The following CDH22 variants were observed in gnomAD, a reference collection of about 807,000 sequenced individuals.
The protein encoded by CDH22 is cadherin 22.
Under a neutral mutation model 58.4 loss-of-function variants are expected in CDH22, and 30 were observed. That is an observed-to-expected ratio of 0.51 (90% CI 0.38 to 0.70). The LOEUF (loss-of-function observed/expected upper bound fraction) is 0.70. CDH22 is among the 30% of genes least tolerant of loss of function. The probability of loss-of-function intolerance (pLI) is 0.00; values close to 1 mark genes in which losing one functional copy is unlikely to be tolerated. For synonymous variants in CDH22, 513 were observed against 558.2 expected (o/e 0.92, Z 1.14); for missense variants, 1,014 against 1,233.9 (o/e 0.82, Z 2.67).
chr20:46,178,245 C>T (rs1170282062), intron 10 of CDH22, 48 bp from the exon 11 acceptor site: 2 of 1,582,506 alleles, frequency 1.3e-6, no homozygotes, highest in South Asian at 1.2e-5. Context: ...CGGGGGTCAG[C>T]ATCCTTGTCC....
intron 1 of CDH22, among the ~76,000 whole-genome samples, chr20:46,280,861 AG>A (rs1454796326): frequency 2.6e-5 from 4 of 152,226 alleles, no homozygotes; most frequent in Non-Finnish European, 2.9e-5. Flanking sequence ...AACTCTGAGC[AG>A]GGGCCTGGAT....
At chr20:46,206,178 C>A (rs1163956202) in intron 7 of CDH22, among the ~76,000 whole-genome samples, 1 of 152,200 alleles carries the variant, frequency 6.6e-6, no homozygotes, top group East Asian at 1.9e-4. Flanking sequence ...TTAGGAACTG[C>A]ACTAACCACA....
At chr20:46,221,761 C>T (rs2086127794) in intron 4 of CDH22, among the ~76,000 whole-genome samples, 2 of 152,182 alleles carry the variant, frequency 1.3e-5, no homozygotes, top group South Asian at 4.1e-4. Context: ...TACTATGTTC[C>T]ACTCCACTGT....
chr20:46,216,847 T>G lies in CDH22; in HGVS notation c.817A>C (p.Asn273His), dbSNP rs1482122597. The change falls in exon 5 of 12, where the codon AAC becomes CAC. Residue 273 changes from asparagine to histidine, a missense_variant. By Grantham distance (68) the Asn-to-His change is moderately conservative (BLOSUM62 1). Transcript: ENST00000537909. The surrounding 1 kb of genome is among the most constrained non-coding windows in gnomAD (Gnocchi z 5.3). ...VTIVVTDVNDNPPRFPQKMYQ... is the reference protein window; with the variant it reads ...VTIVVTDVNDHPPRFPQKMYQ... Reference sequence around the variant, plus strand: ...TCACTCTGCGGGAAACGGGGCGGGTTGTCATTGACGTCGGTGACTACGATG... The same window carrying G: ...TCACTCTGCGGGAAACGGGGCGGGTGGTCATTGACGTCGGTGACTACGATG... 1 of 1,601,754 alleles carries G rather than the reference T, an allele frequency of 6.2e-7. No homozygotes were observed. Among genetic ancestry groups the G allele is most frequent in the Admixed American group, 1.7e-5 (1 of 59,802 alleles).
chr20:46,216,782 G>A lies in CDH22; in HGVS notation c.838+44C>T. On this transcript the variant is annotated intron_variant, in intron 5 of 11. Coordinates refer to ENST00000537909, the MANE Select transcript of CDH22 (RefSeq NM_021248.3). This position sits in a 1 kb window ranked among gnomAD's most constrained non-coding sequence, Gnocchi z 5.3. ...AGCAGGTGGCTTGGATGGGGTAACAGACAGACACACAGACGCGCCTTCCTC... is the reference window on the plus strand; with the variant it reads ...AGCAGGTGGCTTGGATGGGGTAACAAACAGACACACAGACGCGCCTTCCTC... 6.4e-7 allele frequency: 1 copy of A among 1,566,218 alleles called. No individual in the cohort carries two copies. The highest frequency in any genetic ancestry group is 1.1e-5 in the South Asian group (1 of 89,142).
At chr20:46,217,870 C>T (rs2086097181) in intron 4 of CDH22, among the ~76,000 whole-genome samples, 1 of 152,154 alleles carries the variant, frequency 6.6e-6, no homozygotes, top group Non-Finnish European at 1.5e-5. Context: ...CTCTCATACA[C>T]ACTGTAACAC....
At chr20:46,298,652 A>G (rs562026972) in intron 1 of CDH22, among the ~76,000 whole-genome samples, 1 of 151,874 alleles carries the variant, frequency 6.6e-6, no homozygotes, top group Non-Finnish European at 1.5e-5. Flanking sequence ...GGATGGATGG[A>G]TGGATGGATG....
intron 3 of CDH22, among the ~76,000 whole-genome samples, chr20:46,234,559 A>T (rs577957500): frequency 6.6e-6 from 1 of 152,310 alleles, no homozygotes; most frequent in African/African-American, 2.4e-5. Flanking sequence ...GTCTTTTCCC[A>T]TCTATTAAAT....
intron 1 of CDH22, among the ~76,000 whole-genome samples, chr20:46,252,581 A>G (rs1396389434): frequency 6.6e-6 from 1 of 152,240 alleles, no homozygotes; most frequent in Non-Finnish European, 1.5e-5. Flanking sequence ...ATGCTGCTTA[A>G]TGGAGGAATT....
intron 7 of CDH22, among the ~76,000 whole-genome samples, chr20:46,204,996 C>G (rs1250126032): frequency 6.6e-6 from 1 of 152,088 alleles, no homozygotes; most frequent in Non-Finnish European, 1.5e-5. Flanking sequence ...GCAGCTGCCG[C>G]CCAAGCTGCT....
chr20:46,185,394 GCTGAGGCAGGAAGCACA>G, intron 10 of CDH22, among the ~76,000 whole-genome samples: 1 of 152,240 alleles, frequency 6.6e-6, no homozygotes, highest in Non-Finnish European at 1.5e-5. Flanking sequence ...CAGGTGGTGT[GCTGAGGCAGGAAGCACA>G]CTGGACTTGG....
chr20:46,296,814 C>G (rs1039089828), intron 1 of CDH22, among the ~76,000 whole-genome samples: 2 of 152,210 alleles, frequency 1.3e-5, no homozygotes, highest in Non-Finnish European at 2.9e-5. Context: ...TTTCCCAAAG[C>G]ATTTTCTCTA....
At chr20:46,232,815 G>A (rs2086228827) in intron 3 of CDH22, among the ~76,000 whole-genome samples, 1 of 152,174 alleles carries the variant, frequency 6.6e-6, no homozygotes, top group Admixed American at 6.5e-5. Context: ...AGCTGGCTGG[G>A]CTGGCCTCGA....
In CDH22 at chr20:46,174,190, G is replaced by C. The variant is rs924954207; in HGVS notation, c.*316C>G. ...CCTCCAGCATTCTCCCCCAGGCCAG[G>C]ATTGAGTGACCCGCCCCTTCCCGAC... is the stretch of plus-strand genomic sequence containing the variant. On this transcript the variant is annotated 3_prime_UTR_variant, in exon 12 of 12. Coordinates refer to ENST00000537909, the MANE Select transcript of CDH22 (RefSeq NM_021248.3). This position sits in a 1 kb window ranked among gnomAD's most constrained non-coding sequence, Gnocchi z 4.4. The C allele has an allele frequency of 1.2e-5, 5 of 401,450 alleles. No homozygotes were observed. In the Admixed American group the frequency reaches 2.4e-4, roughly 19 times the overall value. The allele number at this position is 401,450 out of a possible 1,614,324, so 24.9% of individuals were successfully genotyped here. A position where few individuals can be genotyped will look rare whatever the true frequency, so the allele number is the denominator to read the frequency against.
At chr20:46,192,917 C>T (rs1410927471) in intron 8 of CDH22, among the ~76,000 whole-genome samples, 1 of 151,668 alleles carries the variant, frequency 6.6e-6, no homozygotes, top group Non-Finnish European at 1.5e-5. Flanking sequence ...GTCCCCATGC[C>T]CCCCCCCAGT....
At chr20:46,233,303 C>T (rs1025292761) in intron 3 of CDH22, among the ~76,000 whole-genome samples, 1 of 152,126 alleles carries the variant, frequency 6.6e-6, no homozygotes, top group Non-Finnish European at 1.5e-5. Flanking sequence ...TCCAGGCGAC[C>T]CCTGACTGTG....
chr20:46,237,228 G>A (rs1171555104), intron 3 of CDH22, among the ~76,000 whole-genome samples: 6 of 152,296 alleles, frequency 3.9e-5, no homozygotes, highest in South Asian at 2.1e-4. Flanking sequence ...GGAACCAGGC[G>A]TCCTGACTAT....
chr20:46,188,538 C>T (rs538389760), intron 8 of CDH22, among the ~76,000 whole-genome samples: 12 of 152,248 alleles, frequency 7.9e-5, no homozygotes, highest in Admixed American at 7.8e-4. Flanking sequence ...GTTAATAGGT[C>T]GGTGAAGAGA....
At chr20:46,199,373 G>T (rs748033925) in intron 8 of CDH22, 50 bp downstream of exon 8, 1 of 1,579,350 alleles carries the variant, frequency 6.3e-7, no homozygotes, top group Non-Finnish European at 8.6e-7. Flanking sequence ...TTCAGCTTTT[G>T]CTCCTGGGCC....
Sources: gnomAD v4.1 joint callset for allele counts (sites outside exome capture counted in the v4.1 genomes callset) on GRCh38, gnomAD v4.1.1 for gene constraint, Gnocchi (gnomAD v3.1) non-coding constraint, MANE v1.5 for transcripts, NCBI Gene and HGNC (gene_info 2026-07-23, HGNC 2026-07-21) for gene names.